Variants in NRXN3 observed in about 807,000 individuals in gnomAD.
The protein encoded by NRXN3 is neurexin 3.
Under a neutral mutation model 137.6 loss-of-function variants are expected in NRXN3, and 32 were observed. The observed-to-expected ratio is 0.23, with a 90% confidence interval of 0.18 to 0.31. The LOEUF (loss-of-function observed/expected upper bound fraction) is 0.31, where lower values mean the gene tolerates loss of function less well. Among genes scored for constraint, NRXN3 ranks in the 10% least tolerant of loss-of-function variants. The probability of loss-of-function intolerance (pLI) is 1.00; values close to 1 mark genes in which losing one functional copy is unlikely to be tolerated. For synonymous variants in NRXN3, 798 were observed against 784.5 expected (o/e 1.02, Z -0.29); for missense variants, 1,574 against 2,062.5 (o/e 0.76, Z 4.59).
At chr14:78,567,727 T>G (rs570726266) in intron 4 of NRXN3, among the ~76,000 whole-genome samples, 96 of 152,130 alleles carry the variant, frequency 6.3e-4, no homozygotes, top group Middle Eastern at 3.4e-3. Context: ...ATTATTATTA[T>G]TAGTAGTAGA....
intron 9 of NRXN3, among the ~76,000 whole-genome samples, chr14:78,807,809 A>G (rs1457628931): frequency 2.0e-5 from 3 of 151,570 alleles, no homozygotes; most frequent in South Asian, 2.1e-4. Flanking sequence ...ATCATTTACC[A>G]TAATTTAAAA....
chr14:79,214,546 A>G (rs538721793), intron 15 of NRXN3, among the ~76,000 whole-genome samples: 1 of 152,228 alleles, frequency 6.6e-6, no homozygotes, highest in South Asian at 2.1e-4. Context: ...TGGTCACTCT[A>G]TATTATATGT....
At chr14:78,222,908 G>T (rs906560116) in intron 1 of NRXN3, among the ~76,000 whole-genome samples, 5 of 152,166 alleles carry the variant, frequency 3.3e-5, no homozygotes, top group Admixed American at 2.6e-4. Flanking sequence ...CATAATAGGT[G>T]CTCAATAAAT....
intron 16 of NRXN3, among the ~76,000 whole-genome samples, chr14:79,488,808 A>C (rs1312040450): frequency 2.0e-5 from 3 of 152,176 alleles, no homozygotes; most frequent in African/African-American, 7.2e-5. Flanking sequence ...AGGGACTTGA[A>C]GAAAGTATAA....
chr14:79,105,815 G>C (rs1375192679), intron 15 of NRXN3, among the ~76,000 whole-genome samples: 1 of 152,106 alleles, frequency 6.6e-6, no homozygotes, highest in Non-Finnish European at 1.5e-5. Context: ...AGGTTCACAA[G>C]AGTGAAAGTA....
intron 16 of NRXN3, among the ~76,000 whole-genome samples, chr14:79,610,744 A>G (rs1193924776): frequency 1.3e-5 from 2 of 152,156 alleles, no homozygotes; most frequent in Admixed American, 1.3e-4. Flanking sequence ...AGCCCTTTCC[A>G]TGTCACCTTC....
chr14:79,063,631 C>T (rs1182428626), intron 15 of NRXN3, among the ~76,000 whole-genome samples: 1 of 152,106 alleles, frequency 6.6e-6, no homozygotes, highest in Non-Finnish European at 1.5e-5. Context: ...AGGTATTTCA[C>T]CACATCATCA....
intron 16 of NRXN3, among the ~76,000 whole-genome samples, chr14:79,480,906 A>G (rs1298053653): frequency 2.0e-5 from 3 of 152,128 alleles, no homozygotes; most frequent in Admixed American, 6.5e-5. Context: ...CTCCCCAGCC[A>G]TGCTTCCTAT....
intron 15 of NRXN3, among the ~76,000 whole-genome samples, chr14:79,080,746 T>C (rs1363590690): frequency 6.6e-6 from 1 of 152,134 alleles, no homozygotes; most frequent in Non-Finnish European, 1.5e-5. Context: ...TATTCAAGCC[T>C]CCAAAACAGA....
intron 8 of NRXN3, among the ~76,000 whole-genome samples, chr14:78,727,481 G>A (rs527684305): frequency 1.8e-4 from 28 of 152,248 alleles, no homozygotes; most frequent in Middle Eastern, 3.4e-3. Context: ...GGTGGCTCAC[G>A]CCTGTAATTC....
intron 15 of NRXN3, among the ~76,000 whole-genome samples, chr14:79,217,380 A>G (rs1057498274): frequency 6.6e-6 from 1 of 152,094 alleles, no homozygotes; most frequent in East Asian, 1.9e-4. Flanking sequence ...GAACTCACTC[A>G]TTACTAAGAG....
At chr14:78,300,619 C>T in intron 4 of NRXN3, 2 of 1,334,606 alleles carry the variant, frequency 1.5e-6, no homozygotes, top group Non-Finnish European at 2.1e-6. Flanking sequence ...CTGTCTCTCT[C>T]TGGCCGCCTC....
chr14:79,380,606 A>G (rs1252595262), intron 15 of NRXN3, among the ~76,000 whole-genome samples: 1 of 152,102 alleles, frequency 6.6e-6, no homozygotes, highest in Non-Finnish European at 1.5e-5. Flanking sequence ...ATTGTTGGAC[A>G]TTTGGGTTGG....
intron 4 of NRXN3, among the ~76,000 whole-genome samples, chr14:78,455,726 G>A (rs576076393): frequency 1.6e-4 from 24 of 152,216 alleles, no homozygotes; most frequent in African/African-American, 4.1e-4. Flanking sequence ...GCCCTTGGGA[G>A]TTCATTGATC....
chr14:78,479,347 A>G (rs1190058310), intron 4 of NRXN3, among the ~76,000 whole-genome samples: 1 of 152,212 alleles, frequency 6.6e-6, no homozygotes, highest in Non-Finnish European at 1.5e-5. Context: ...GAGTTTGTTA[A>G]ACCACAGACT....
chr14:78,766,630 C>G (rs1053304765), intron 8 of NRXN3, among the ~76,000 whole-genome samples: 5 of 152,128 alleles, frequency 3.3e-5, no homozygotes, highest in African/African-American at 9.7e-5. Context: ...CATGCCTCAC[C>G]TTTGTGGAAA....
intron 4 of NRXN3, among the ~76,000 whole-genome samples, chr14:78,564,256 C>T (rs1484962134): frequency 3.3e-5 from 5 of 152,262 alleles, no homozygotes; most frequent in South Asian, 2.1e-4. Context: ...CTTTTGTCTC[C>T]GCCCTCTTTT....
intron 16 of NRXN3, among the ~76,000 whole-genome samples, chr14:79,649,829 A>C (rs2098467759): frequency 6.6e-6 from 1 of 152,190 alleles, no homozygotes. Flanking sequence ...TGTTTCAGTC[A>C]GCCTTGGCTG....
chr14:78,816,921 AAT>A lies in NRXN3; in HGVS notation c.2275+6581_2275+6582del, dbSNP rs147425540. On this transcript the variant is annotated intron_variant, in intron 10 of 20. Coordinates refer to ENST00000335750, the MANE Select transcript of NRXN3 (RefSeq NM_001330195.2). ...TTCCTCCCATCCTTTAACATCTTCA[AAT>A]ATACATAGGGATCATTGTCATTCAT... is the stretch of plus-strand genomic sequence containing the variant. 1.0e-3 allele frequency among the ~76,000 whole-genome samples: 153 copies of A among 152,324 alleles called. 2 individuals carry two copies. Among genetic ancestry groups the A allele is most frequent in the African/African-American group, 3.3e-3 (136 of 41,580 alleles).
Sources: allele counts gnomAD v4.1 joint callset (sites outside exome capture counted in the v4.1 genomes callset), GRCh38; gene constraint gnomAD v4.1.1; transcripts MANE v1.5; gene names NCBI Gene and HGNC (gene_info 2026-07-23, HGNC 2026-07-21).